The following PDE4B variants were observed in gnomAD, a reference collection of about 807,000 sequenced individuals.
PDE4B encodes the protein phosphodiesterase 4B.
PDE4B carries 20 observed loss-of-function variants against 82.2 expected under a neutral mutation model. The ratio of observed to expected loss-of-function variants is 0.24; its 90% CI spans 0.17 to 0.35. PDE4B has a LOEUF of 0.35. Ranked by LOEUF, PDE4B falls within the 10% of genes least tolerant of loss-of-function variation. The pLI, the probability that PDE4B is intolerant of heterozygous loss-of-function variation, is 1.00. For synonymous variants in PDE4B, 320 were observed against 318.9 expected (o/e 1.00, Z -0.04); for missense variants, 655 against 907.2 (o/e 0.72, Z 3.57).
intron 1 of PDE4B, among the ~76,000 whole-genome samples, chr1:65,910,702 A>G (rs1647080224): frequency 6.6e-6 from 1 of 152,214 alleles, no homozygotes; most frequent in Admixed American, 6.5e-5. Context: ...GACCTCAAGT[A>G]GAACGTTTTA....
chr1:66,087,613 T>C (rs574694277), intron 3 of PDE4B, among the ~76,000 whole-genome samples: 85 of 151,860 alleles, frequency 5.6e-4, no homozygotes, highest in African/African-American at 1.9e-3. Context: ...TCTTCTAGGG[T>C]TTTTATGGTG....
At chr1:65,898,048 A>G (rs1012050415) in intron 1 of PDE4B, among the ~76,000 whole-genome samples, 1 of 152,124 alleles carries the variant, frequency 6.6e-6, no homozygotes, top group African/African-American at 2.4e-5. Context: ...GTGAGATAGT[A>G]TCTCATTGTG....
intron 3 of PDE4B, among the ~76,000 whole-genome samples, chr1:66,246,439 G>A (rs17424885): frequency 0.11 from 16,149 of 152,248 alleles, 1,105 homozygotes; most frequent in Non-Finnish European, 0.15. Flanking sequence ...AGCATCCTCA[G>A]CCCCATATCT....
chr1:66,361,795 T>C lies in PDE4B; in HGVS notation c.1020+2T>C. ...GAAAATGAAGATCACCTGGCCAAGG[T>C]GTGTATAAGCTCAGGTTTTGTGCAT... is the stretch of plus-strand genomic sequence containing the variant. On this transcript the variant is annotated splice_donor_variant, in intron 10 of 16. Transcript: ENST00000341517. LOFTEE classifies it high-confidence loss of function. 6.2e-7 allele frequency: 1 copy of C among 1,609,956 alleles called. No homozygotes were observed. The highest frequency in any genetic ancestry group is 1.1e-5 in the South Asian group (1 of 90,628).
intron 3 of PDE4B, among the ~76,000 whole-genome samples, chr1:66,199,868 T>C (rs1648719174): frequency 6.6e-6 from 1 of 152,222 alleles, no homozygotes; most frequent in Non-Finnish European, 1.5e-5. Context: ...CATTTGTCAA[T>C]TTTGGCTTTT....
intron 7 of PDE4B, among the ~76,000 whole-genome samples, chr1:66,326,075 A>G (rs1398006436): frequency 6.6e-6 from 1 of 152,032 alleles, no homozygotes; most frequent in African/African-American, 2.4e-5. Context: ...TAAAACCAAC[A>G]TTTGTCGTTG....
At chr1:66,295,818 T>G (rs1172887669) in intron 7 of PDE4B, among the ~76,000 whole-genome samples, 2 of 152,132 alleles carry the variant, frequency 1.3e-5, no homozygotes, top group African/African-American at 4.8e-5. Flanking sequence ...AACTTTCCAG[T>G]TTCTGTCCTC....
At chr1:66,184,646 A>G (rs1396077817) in intron 3 of PDE4B, among the ~76,000 whole-genome samples, 3 of 152,162 alleles carry the variant, frequency 2.0e-5, no homozygotes, top group African/African-American at 7.2e-5. Context: ...CTACAGTAAC[A>G]CTTCACATGG....
chr1:66,091,215 A>G (rs1645017207), intron 3 of PDE4B, among the ~76,000 whole-genome samples: 1 of 151,978 alleles, frequency 6.6e-6, no homozygotes, highest in African/African-American at 2.4e-5. Flanking sequence ...TTTTCCTAGC[A>G]TCTGTTCTAT....
chr1:66,204,144 G>A (rs1482541973), intron 3 of PDE4B, among the ~76,000 whole-genome samples: 2 of 152,184 alleles, frequency 1.3e-5, no homozygotes, highest in South Asian at 2.1e-4. Context: ...TATCAGCAGC[G>A]GTGGCTGCAG....
Position 66,247,652 on chromosome 1 carries a change from G to A in PDE4B, c.474G>A (p.Glu158=). 6.3e-7 allele frequency: 1 copy of A among 1,580,994 alleles called. No homozygotes were observed. Among genetic ancestry groups the A allele is most frequent in the East Asian group, 2.3e-5 (1 of 44,044 alleles). ...CGAGAAACTCTTCTCTTCCAAGCGAGCAGTAAGTACAAGCTCTGTCTGGCT... is the reference window on the plus strand; with the variant it reads ...CGAGAAACTCTTCTCTTCCAAGCGAACAGTAAGTACAAGCTCTGTCTGGCT... ...AMSRNSSLPS[E]QHGDDLIVTP... The change falls in exon 4 of 17, where the codon GAG becomes GAA. Residue 158 remains glutamate, a splice_region_variant and synonymous_variant. Transcript: ENST00000341517.
At chr1:65,892,890 A>G (rs2100391747) in intron 1 of PDE4B, among the ~76,000 whole-genome samples, 1 of 152,246 alleles carries the variant, frequency 6.6e-6, no homozygotes, top group South Asian at 2.1e-4. Context: ...TTATTAGCTC[A>G]AATTCACTAC....
chr1:66,334,882 C>A (rs1200967907), intron 8 of PDE4B, among the ~76,000 whole-genome samples: 1 of 152,066 alleles, frequency 6.6e-6, no homozygotes, highest in Non-Finnish European at 1.5e-5. Context: ...CGAGGCAGCA[C>A]TTTGGGATTG....
At chr1:66,060,919 AAG>A (rs1351070063) in intron 3 of PDE4B, among the ~76,000 whole-genome samples, 1 of 151,846 alleles carries the variant, frequency 6.6e-6, no homozygotes, top group African/African-American at 2.4e-5. Context: ...CTTTCTTGTA[AAG>A]AGAGTGAAAA....
chr1:66,334,155 A>C (rs72926347), intron 8 of PDE4B, among the ~76,000 whole-genome samples: 2,055 of 152,240 alleles, frequency 0.013, 41 homozygotes, highest in African/African-American at 0.047. Flanking sequence ...ATGTAGATCC[A>C]ACATTTATGG....
At chr1:66,039,708 G>C (rs1303231221) in intron 3 of PDE4B, among the ~76,000 whole-genome samples, 1 of 151,928 alleles carries the variant, frequency 6.6e-6, no homozygotes, top group Non-Finnish European at 1.5e-5. Context: ...CAGTCACTGA[G>C]CCTCAGTTTC....
At chr1:65,978,248 G>A (rs1001326248) in intron 3 of PDE4B, among the ~76,000 whole-genome samples, 1 of 151,790 alleles carries the variant, frequency 6.6e-6, no homozygotes, top group Non-Finnish European at 1.5e-5. Flanking sequence ...GGCTGGTCTC[G>A]AACTCCTGAT....
At chr1:65,898,239 G>C (rs1375273347) in intron 1 of PDE4B, among the ~76,000 whole-genome samples, 1 of 151,868 alleles carries the variant, frequency 6.6e-6, no homozygotes, top group Non-Finnish European at 1.5e-5. Context: ...ACCTTTGTCA[G>C]TGCATACTTT....
chr1:66,075,644 A>G (rs1057219219), intron 3 of PDE4B, among the ~76,000 whole-genome samples: 6 of 152,208 alleles, frequency 3.9e-5, no homozygotes, highest in African/African-American at 1.4e-4. Flanking sequence ...TATATGCCCT[A>G]CATATCATTC....
Sources: allele counts gnomAD v4.1 joint callset (sites outside exome capture counted in the v4.1 genomes callset), GRCh38; gene constraint gnomAD v4.1.1; transcripts MANE v1.5; gene names NCBI Gene and HGNC (gene_info 2026-07-23, HGNC 2026-07-21).